Variants in KCNT1 observed in about 807,000 individuals in gnomAD.
KCNT1 encodes the protein potassium channel subfamily T member 1.
KCNT1 carries 78 observed loss-of-function variants against 147.8 expected under a neutral mutation model. That is an observed-to-expected ratio of 0.53 (90% CI 0.44 to 0.64). The LOEUF is 0.64. Among genes scored for constraint, KCNT1 ranks in the 30% least tolerant of loss-of-function variants. The pLI is 0.00. For synonymous variants in KCNT1, 867 were observed against 748.8 expected, an observed-to-expected ratio of 1.16 and a Z score of -2.58; for missense variants, 1,419 against 1,750.3, an observed-to-expected ratio of 0.81 and a Z score of 3.38.
intron 15 of KCNT1, among the ~76,000 whole-genome samples, chr9:135,769,214 G>T (rs561817729): frequency 3.4e-5 from 5 of 145,238 alleles, no homozygotes; most frequent in East Asian, 2.1e-4. Flanking sequence ...TGCATCTGGG[G>T]CAGGGCACGT....
chr9:135,785,307 C>T lies in KCNT1; in HGVS notation c.3157-3C>T, dbSNP rs752436724. On this transcript the variant is annotated splice_polypyrimidine_tract_variant and splice_region_variant and intron_variant, in intron 27 of 30. Coordinates refer to ENST00000371757, the MANE Select transcript of KCNT1 (RefSeq NM_020822.3). The stretch of plus-strand genomic sequence containing the variant: ...TCCCAGACTGCGCCTGTTTCCTTTG[C>T]AGCCCCACGACCTCAGAGCCCAGGT... 1 of 1,612,968 alleles carries T rather than the reference C, an allele frequency of 6.2e-7. No homozygotes were observed. The highest frequency in any genetic ancestry group is 2.2e-5 in the East Asian group (1 of 44,888).
At chr9:135,788,022 GCC>G in intron 29 of KCNT1, 1 of 1,138,948 alleles carries the variant, frequency 8.8e-7, no homozygotes, top group Non-Finnish European at 1.3e-6. Context: ...CGCCCACTGT[GCC>G]GGCCGCCCGC....
In KCNT1 at chr9:135,774,888, C is replaced by T. The variant is rs532202173; in HGVS notation, c.2244-422C>T. Among the ~76,000 whole-genome samples the T allele has an allele frequency of 2.6e-5, 4 of 152,230 alleles. No homozygotes were observed. In the South Asian group the frequency reaches 8.3e-4, roughly 32 times the overall value. The stretch of plus-strand genomic sequence containing the variant: ...GGGTGAGGGCAGCAGCAGTGAGGGC[C>T]CTACCCACCCCTCGGTCTCCTCCAG... On this transcript the variant is annotated intron_variant, in intron 19 of 30. Transcript: ENST00000371757.
At position 135,734,700 on chromosome 9, in the gene KCNT1, G is replaced by A. The variant is rs181144040; in HGVS notation, c.255-15398G>A. The stretch of plus-strand genomic sequence containing the variant: ...CACAGCACTGCATCATGGAGCAGCC[G>A]CCCCGGGTGGGCGCGCGCGTTTGCC... On this transcript the variant is annotated intron_variant, in intron 2 of 30. Coordinates refer to ENST00000371757, the MANE Select transcript of KCNT1 (RefSeq NM_020822.3). Among the ~76,000 whole-genome samples, 100 of 152,312 alleles carry A rather than the reference G, an allele frequency of 6.6e-4. 1 individual carries two copies. Among genetic ancestry groups the A allele is most frequent in the African/African-American group, 1.7e-3 (71 of 41,558 alleles).
At chr9:135,790,724 A>G (rs1442567953) in intron 29 of KCNT1, 1 of 152,434 alleles carries the variant, frequency 6.6e-6, no homozygotes, top group Non-Finnish European at 1.5e-5. Flanking sequence ...AGAGGAGGGA[A>G]TGGCAGCAGC....
chr9:135,743,895 T>TCCA (rs1830680999), intron 2 of KCNT1, among the ~76,000 whole-genome samples: 1 of 152,266 alleles, frequency 6.6e-6, no homozygotes, highest in Non-Finnish European at 1.5e-5. Flanking sequence ...GTGTGCCCTT[T>TCCA]CTGGGCCCTT....
At chr9:135,776,626 G>A (rs985312072) in intron 20 of KCNT1, among the ~76,000 whole-genome samples, 1 of 152,216 alleles carries the variant, frequency 6.6e-6, no homozygotes, top group African/African-American at 2.4e-5. Context: ...GCTCGGCCAC[G>A]GAGGGGACCT....
At position 135,714,496 on chromosome 9, in the gene KCNT1, G is replaced by A. The variant is rs1835637795; in HGVS notation, c.111-81G>A. ...GGTGGCCGCGGGCTGCGCTGCGCGG[G>A]CCGGGCCTGGCGGGCCGGGGGCTGC... On this transcript the variant is annotated intron_variant, in intron 1 of 30. Coordinates refer to ENST00000371757, the MANE Select transcript of KCNT1 (RefSeq NM_020822.3). The surrounding 1 kb of genome is among the most constrained non-coding windows in gnomAD (Gnocchi z 6.2). 1.1e-6 allele frequency: 1 copy of A among 917,440 alleles called. No individual in the cohort carries two copies. Among genetic ancestry groups the A allele is most frequent in the African/African-American group, 1.8e-5 (1 of 55,228 alleles). The allele number at this position is 917,440 out of a possible 1,614,324, so 56.8% of individuals were successfully genotyped here.
At chr9:135,786,174 CTG>C in intron 28 of KCNT1, 21 bp from the exon 29 acceptor site, 4 of 883,668 alleles carry the variant, frequency 4.5e-6, no homozygotes, top group Admixed American at 3.0e-5. Context: ...CCTCCCCGCC[CTG>C]CCCTGCCCTG....
At chr9:135,787,893 C>T (rs1834192906) in intron 29 of KCNT1, among the ~76,000 whole-genome samples, 1 of 152,202 alleles carries the variant, frequency 6.6e-6, no homozygotes, top group Non-Finnish European at 1.5e-5. Flanking sequence ...ACCCCCAGAG[C>T]TGGTGCCTGC....
At chr9:135,737,039 G>A (rs1236961399) in intron 2 of KCNT1, 1 of 243,596 alleles carries the variant, frequency 4.1e-6, no homozygotes, top group Non-Finnish European at 7.9e-6. Context: ...AGGGGAGGGA[G>A]GAAGTGGACC....
At chr9:135,735,806 C>T (rs923600681) in intron 2 of KCNT1, among the ~76,000 whole-genome samples, 2 of 152,278 alleles carry the variant, frequency 1.3e-5, no homozygotes, top group Admixed American at 1.3e-4. Flanking sequence ...AGGACAGGGG[C>T]GCATCTGACA....
In KCNT1 at chr9:135,703,957, C is replaced by CGCCGGCAGTGGAGGGAT. The variant is rs1329779544; in HGVS notation, c.110+1591_110+1607dup. Among the ~76,000 whole-genome samples, 4 of 152,202 alleles carry CGCCGGCAGTGGAGGGAT rather than the reference C, an allele frequency of 2.6e-5. No individual in the cohort carries two copies. The East Asian group carries it at 7.7e-4, about 29-fold the overall frequency. ...CCTGTCACACTGCAGGCAGAGCAGC[C>CGCCGGCAGTGGAGGGAT]GCCGGCAGTGGAGGGATGTCAGGCG... On this transcript the variant is annotated intron_variant, in intron 1 of 30. Coordinates refer to ENST00000371757, the MANE Select transcript of KCNT1 (RefSeq NM_020822.3).
chr9:135,788,261 C>A, intron 29 of KCNT1: 1 of 1,050,294 alleles, frequency 9.5e-7, no homozygotes, highest in Non-Finnish European at 1.5e-6. Flanking sequence ...GGCAGGTGGA[C>A]AGGAGCTGTG....
At chr9:135,713,371 GT>G (rs1835582444) in intron 1 of KCNT1, among the ~76,000 whole-genome samples, 1 of 152,276 alleles carries the variant, frequency 6.6e-6, no homozygotes, top group Non-Finnish European at 1.5e-5. Flanking sequence ...AAGGAGCAGG[GT>G]TTGGGGCACG....
At chr9:135,777,606 AG>A in intron 21 of KCNT1, 96 bp downstream of exon 21, 1 of 1,201,402 alleles carries the variant, frequency 8.3e-7, no homozygotes, top group Non-Finnish European at 1.2e-6. Flanking sequence ...GCCTTTGCAG[AG>A]GGCACGGGAA....
intron 24 of KCNT1, among the ~76,000 whole-genome samples, chr9:135,780,435 C>T (rs1833526314): frequency 6.6e-6 from 1 of 152,232 alleles, no homozygotes; most frequent in Admixed American, 6.5e-5. Flanking sequence ...GCGACACGGA[C>T]ATGGCTTTGT....
chr9:135,746,771 GT>G (rs1830854347), intron 2 of KCNT1, among the ~76,000 whole-genome samples: 1 of 152,082 alleles, frequency 6.6e-6, no homozygotes, highest in Admixed American at 6.5e-5. Context: ...GGAGTGGAGT[GT>G]GGGGCGATGG....
intron 2 of KCNT1, among the ~76,000 whole-genome samples, chr9:135,719,444 T>C (rs939634981): frequency 6.6e-6 from 1 of 152,042 alleles, no homozygotes; most frequent in Non-Finnish European, 1.5e-5. Flanking sequence ...TGTCGGGGGA[T>C]GCATGCTTTG....
Sources: allele counts gnomAD v4.1 joint callset (sites outside exome capture counted in the v4.1 genomes callset), GRCh38; gene constraint gnomAD v4.1.1; non-coding constraint Gnocchi (gnomAD v3.1); transcripts MANE v1.5; gene names NCBI Gene and HGNC (gene_info 2026-07-23, HGNC 2026-07-21).